CUX1: variants seen among roughly 807,000 people sequenced by gnomAD.
CUX1 encodes the protein protein CASP.
Under a neutral mutation model 158.8 loss-of-function variants are expected in CUX1, and 31 were observed. The ratio of observed to expected loss-of-function variants is 0.20; its 90% CI spans 0.15 to 0.26. The LOEUF is 0.26. Among genes scored for constraint, CUX1 ranks in the 10% least tolerant of loss-of-function variants. The pLI is 1.00. For missense variants in CUX1, 1,589 were observed against 2,014.6 expected (o/e 0.79, Z 4.04); for synonymous variants, 879 against 862.1 (o/e 1.02, Z -0.34).
chr7:102,112,813 C>T (rs929387210), intron 7 of CUX1, among the ~76,000 whole-genome samples: 7 of 152,146 alleles, frequency 4.6e-5, no homozygotes, highest in African/African-American at 1.4e-4. Flanking sequence ...TCAAGTGAGC[C>T]ACCACACCCA....
intron 1 of CUX1, among the ~76,000 whole-genome samples, chr7:101,849,461 A>G (rs1796044377): frequency 2.6e-5 from 4 of 152,046 alleles, no homozygotes; most frequent in South Asian, 4.1e-4. Context: ...TTAGTTTGCA[A>G]AGGATAATGG....
At chr7:102,134,947 C>T (rs1833732710) in intron 8 of CUX1, among the ~76,000 whole-genome samples, 1 of 152,086 alleles carries the variant, frequency 6.6e-6, no homozygotes, top group South Asian at 2.1e-4. Context: ...AAAATGGGTA[C>T]AGTGGAAACT....
intron 4 of CUX1, among the ~76,000 whole-genome samples, chr7:102,074,568 A>T (rs1435488162): frequency 6.6e-6 from 1 of 152,174 alleles, no homozygotes; most frequent in African/African-American, 2.4e-5. Context: ...CTGGCACACA[A>T]CAGGTGGGAC....
chr7:101,844,899 A>T (rs1292213463), intron 1 of CUX1, among the ~76,000 whole-genome samples: 1 of 152,208 alleles, frequency 6.6e-6, no homozygotes, highest in East Asian at 1.9e-4. Flanking sequence ...TACAGGCGTG[A>T]GCCACTGCGC....
intron 2 of CUX1, among the ~76,000 whole-genome samples, chr7:101,979,699 G>A (rs1813169547): frequency 6.6e-6 from 1 of 152,048 alleles, no homozygotes; most frequent in Non-Finnish European, 1.5e-5. Flanking sequence ...ATCCAGGCTG[G>A]AGTGTAGTAG....
intron 2 of CUX1, among the ~76,000 whole-genome samples, chr7:101,980,104 G>A (rs1029333709): frequency 6.6e-6 from 1 of 152,250 alleles, no homozygotes; most frequent in Non-Finnish European, 1.5e-5. Context: ...ACCGGGCTTA[G>A]GGAGCAGTGC....
At chr7:101,939,858 G>A (rs1371714583) in intron 2 of CUX1, among the ~76,000 whole-genome samples, 2 of 152,028 alleles carry the variant, frequency 1.3e-5, no homozygotes, top group Non-Finnish European at 2.9e-5. Context: ...CAAGGTGGGT[G>A]GATCAGGAGG....
At chr7:102,185,755 G>T (rs1000424514) in intron 11 of CUX1, among the ~76,000 whole-genome samples, 2 of 151,992 alleles carry the variant, frequency 1.3e-5, no homozygotes, top group Non-Finnish European at 2.9e-5. Context: ...AGGATCTGTC[G>T]GACTCTGGAG....
At chr7:101,871,190 C>T (rs993837018) in intron 1 of CUX1, among the ~76,000 whole-genome samples, 1 of 152,140 alleles carries the variant, frequency 6.6e-6, no homozygotes, top group Non-Finnish European at 1.5e-5. Flanking sequence ...TTCCTGACTG[C>T]CTTGCTCTGC....
rs1162518515 is a variant in CUX1 at position 102,256,372 on chromosome 7, T to G, written c.*7330T>G. On this transcript the variant is annotated 3_prime_UTR_variant, in exon 24 of 24. Coordinates refer to ENST00000292535, the MANE Select transcript of CUX1 (RefSeq NM_181552.4). ...ATTATTAGGTTAATCATTTAAGTAC[T>G]TATCAGGAGTGTATTGTTATTTTGT... The G allele has an allele frequency of 2.0e-6, 2 of 985,188 alleles. No homozygotes were observed. The highest frequency in any genetic ancestry group is 3.5e-5 in the African/African-American group (2 of 57,244). 61.0% of individuals were successfully genotyped at this position (985,188 alleles called of 1,614,324 possible). A position where few individuals can be genotyped will look rare whatever the true frequency, so the allele number is the denominator to read the frequency against.
chr7:102,008,806 GCA>G (rs1283448740), intron 2 of CUX1, among the ~76,000 whole-genome samples: 1 of 152,198 alleles, frequency 6.6e-6, no homozygotes, highest in African/African-American at 2.4e-5. Flanking sequence ...CGAGACCACA[GCA>G]CAGTCATGGT....
intron 2 of CUX1, among the ~76,000 whole-genome samples, chr7:102,023,165 A>C (rs1320696556): frequency 6.6e-6 from 1 of 151,912 alleles, no homozygotes; most frequent in Non-Finnish European, 1.5e-5. Context: ...CAGTGAGCCG[A>C]GGTCACGTCA....
intron 20 of CUX1, among the ~76,000 whole-genome samples, chr7:102,211,800 A>AAAAC: frequency 6.6e-6 from 1 of 151,488 alleles, no homozygotes; most frequent in African/African-American, 2.4e-5. Flanking sequence ...AAAAAAAAAA[A>AAAAC]AAACTCAACC....
chr7:102,074,827 A>T (rs1398612533), intron 4 of CUX1, among the ~76,000 whole-genome samples: 1 of 152,180 alleles, frequency 6.6e-6, no homozygotes, highest in Non-Finnish European at 1.5e-5. Flanking sequence ...TTTGGCGGGT[A>T]GCATCACCTC....
intron 8 of CUX1, among the ~76,000 whole-genome samples, chr7:102,128,335 G>C (rs782577878): frequency 2.0e-5 from 3 of 152,148 alleles, no homozygotes; most frequent in African/African-American, 4.8e-5. Context: ...CCCTGACTCT[G>C]GTCCCATCTG....
At chr7:101,955,388 T>A (rs1809636856) in intron 2 of CUX1, among the ~76,000 whole-genome samples, 1 of 152,186 alleles carries the variant, frequency 6.6e-6, no homozygotes. Context: ...CATTCAGTCT[T>A]TACATCTCCC....
chr7:102,282,001 T>C, intron 21 of CUX1: 1 of 1,001,282 alleles, frequency 1.0e-6, no homozygotes, highest in Non-Finnish European at 1.6e-6. Context: ...CCTGTTACGG[T>C]GGCCTGGCCC....
At chr7:102,194,891 G>T (rs781972903) in intron 13 of CUX1, among the ~76,000 whole-genome samples, 10 of 151,284 alleles carry the variant, frequency 6.6e-5, no homozygotes, top group South Asian at 2.1e-4. Flanking sequence ...GAGCGTGGTG[G>T]CGCACGTCTG....
intron 16 of CUX1, among the ~76,000 whole-genome samples, chr7:102,199,281 G>A (rs1317206901): frequency 2.6e-5 from 4 of 152,214 alleles, no homozygotes; most frequent in Non-Finnish European, 5.9e-5. Flanking sequence ...CCTATGGAAC[G>A]GACGCATCCC....
Sources: allele counts gnomAD v4.1 joint callset (sites outside exome capture counted in the v4.1 genomes callset), GRCh38; gene constraint gnomAD v4.1.1; transcripts MANE v1.5; gene names NCBI Gene and HGNC (gene_info 2026-07-23, HGNC 2026-07-21).